Variants in MSH4 observed in about 807,000 individuals in gnomAD.
MSH4 encodes the protein mutS protein homolog 4.
Under a neutral mutation model 113.7 loss-of-function variants are expected in MSH4, and 106 were observed. The ratio of observed to expected loss-of-function variants is 0.93; its 90% CI spans 0.80 to 1.10. The LOEUF is 1.10. MSH4 is among the 50% of genes least tolerant of loss of function. The probability of loss-of-function intolerance (pLI) is 0.00; values close to 1 mark genes in which losing one functional copy is unlikely to be tolerated. For synonymous variants in MSH4, 368 were observed against 380.2 expected (o/e 0.97, Z 0.37); for missense variants, 1,061 against 1,093.7 (o/e 0.97, Z 0.42).
intron 17 of MSH4, among the ~76,000 whole-genome samples, chr1:75,897,238 C>T (rs949934901): frequency 6.6e-6 from 1 of 152,036 alleles, no homozygotes; most frequent in African/African-American, 2.4e-5. Flanking sequence ...TTTCCTGGGG[C>T]GCCACATTAG....
intron 7 of MSH4, among the ~76,000 whole-genome samples, chr1:75,829,452 T>C (rs10873729): frequency 0.46 from 70,231 of 151,958 alleles, 17,257 homozygotes; most frequent in East Asian, 0.95. Flanking sequence ...TCTCCCAGCA[T>C]GGAGTTTGAG....
At chr1:75,800,308 C>A (rs1393364323) in intron 1 of MSH4, among the ~76,000 whole-genome samples, 6 of 152,120 alleles carry the variant, frequency 3.9e-5, no homozygotes, top group Admixed American at 3.9e-4. Flanking sequence ...ATCAAATTAT[C>A]CCAGTTTGAG....
At chr1:75,885,341 G>GTGTGTA (rs1491097493) in intron 15 of MSH4, among the ~76,000 whole-genome samples, 39 of 102,568 alleles carry the variant, frequency 3.8e-4, no homozygotes, top group Admixed American at 2.2e-3. Context: ...GTGTGTGTGT[G>GTGTGTA]TATATATATA....
In MSH4 at chr1:75,803,820, A is replaced by G; in HGVS notation, c.334A>G (p.Thr112Ala). 6.2e-7 allele frequency: 1 copy of G among 1,606,404 alleles called. No homozygotes were observed. The highest frequency in any genetic ancestry group is 1.3e-5 in the African/African-American group (1 of 74,644). The change falls in exon 2 of 20, where the codon ACT (threonine) becomes GCT (alanine). Residue 112 changes from threonine (T) to alanine (A), a missense_variant. By Grantham distance (58) the Thr-to-Ala change is moderately conservative. Coordinates refer to ENST00000263187, the MANE Select transcript of MSH4 (RefSeq NM_002440.4). ...FGASSSSARD[T>A]NYPQTLKTPL... Reference sequence around the variant, plus strand: ...TGCAAGCTCATCTTCTGCACGAGATACTAATTATCCTCAAACACTTAAAAC... The same window carrying G: ...TGCAAGCTCATCTTCTGCACGAGATGCTAATTATCCTCAAACACTTAAAAC...
intron 19 of MSH4, among the ~76,000 whole-genome samples, chr1:75,904,484 C>T (rs1252502839): frequency 1.3e-5 from 2 of 151,672 alleles, no homozygotes; most frequent in African/African-American, 2.4e-5. Flanking sequence ...GCAGTGAAGT[C>T]ATCAGGTACT....
rs1245352390 is a variant in MSH4, at chr1:75,886,582, AATAT to A, written c.2108-2665_2108-2662del. 5.1e-4 allele frequency among the ~76,000 whole-genome samples: 64 copies of A among 124,946 alleles called. 3 individuals carry two copies. The highest frequency in any genetic ancestry group is 5.3e-4 in the Non-Finnish European group (34 of 64,162). The allele number at this position is 124,946 out of a possible 152,430, so 82.0% of individuals were successfully genotyped here. ...GTATTATATGCAAGTTATTATGTAT[AATAT>A]ATAATGTATTATATATTATATAATG... is the stretch of plus-strand genomic sequence containing the variant. On this transcript the variant is annotated intron_variant, in intron 15 of 19. Coordinates refer to ENST00000263187, the MANE Select transcript of MSH4 (RefSeq NM_002440.4).
chr1:75,854,007 G>GTA (rs150197709), intron 8 of MSH4, among the ~76,000 whole-genome samples: 12,875 of 50,302 alleles, frequency 0.26, 934 homozygotes, highest in East Asian at 0.55. Context: ...GCATAAGTGT[G>GTA]TGTGTGTATA....
intron 7 of MSH4, among the ~76,000 whole-genome samples, chr1:75,830,810 AACC>A (rs1312530776): frequency 2.0e-5 from 3 of 152,192 alleles, no homozygotes; most frequent in Admixed American, 6.5e-5. Flanking sequence ...GGAAAGGAAC[AACC>A]AGTACCAGCC....
At chr1:75,804,492 G>A (rs1201465912) in intron 2 of MSH4, among the ~76,000 whole-genome samples, 1 of 145,090 alleles carries the variant, frequency 6.9e-6, no homozygotes. Flanking sequence ...AGTAGAATAT[G>A]ACCTTCCTTT....
Position 75,867,504 on chromosome 1 carries a change from A to G in MSH4, c.1231-10A>G. ...GGTGTCCATCCAAATTTGGGTTTTT[A>G]TCTTAACAGGTCAATGCTGCTGAAT... On this transcript the variant is annotated splice_polypyrimidine_tract_variant and intron_variant, in intron 8 of 19. Transcript: ENST00000263187. 1.9e-6 allele frequency: 3 copies of G among 1,560,052 alleles called. No individual in the cohort carries two copies. Among genetic ancestry groups the G allele is most frequent in the Non-Finnish European group, 2.6e-6 (3 of 1,144,460 alleles).
chr1:75,859,377 C>G (rs1651400837), intron 8 of MSH4, among the ~76,000 whole-genome samples: 1 of 152,128 alleles, frequency 6.6e-6, no homozygotes, highest in Non-Finnish European at 1.5e-5. Context: ...TAGATCTTCC[C>G]TGCTTTCTCC....
intron 2 of MSH4, among the ~76,000 whole-genome samples, chr1:75,806,393 A>G (rs1312800356): frequency 1.3e-5 from 2 of 151,512 alleles, no homozygotes; most frequent in South Asian, 2.1e-4. Flanking sequence ...GACCACAGGC[A>G]CCTGCCACCA....
chr1:75,852,469 A>G (rs1651210269), intron 8 of MSH4, among the ~76,000 whole-genome samples: 1 of 152,168 alleles, frequency 6.6e-6, no homozygotes, highest in African/African-American at 2.4e-5. Context: ...TGTTTTGCAA[A>G]GTGACTTTAT....
At chr1:75,829,675 G>C (rs370435800) in intron 7 of MSH4, among the ~76,000 whole-genome samples, 7 of 152,258 alleles carry the variant, frequency 4.6e-5, no homozygotes, top group East Asian at 3.9e-4. Context: ...AGGCAAACAG[G>C]GTCTGGATAG....
Position 75,912,831 on chromosome 1 carries a change from A to G in MSH4, c.2755A>G (p.Lys919Glu). ...AATATATTTAAGTAACCTCAAGAAG[A>G]AGTACAAAGAAGATTTTCCCAGGAC... ...LRIYLSNLKK[K>E]YKEDFPRTEQ... Residue 919 changes from lysine to glutamate, a missense_variant, in exon 20 of 20, where the codon AAG (lysine) becomes GAG (glutamate). Physicochemically the swap from Lys to Glu is moderately conservative, Grantham distance 56. Coordinates refer to ENST00000263187, the MANE Select transcript of MSH4 (RefSeq NM_002440.4). The G allele has an allele frequency of 6.3e-7, 1 of 1,582,076 alleles. No individual in the cohort carries two copies. The highest frequency in any genetic ancestry group is 8.6e-7 in the Non-Finnish European group (1 of 1,165,410).
intron 7 of MSH4, among the ~76,000 whole-genome samples, chr1:75,826,342 G>T (rs1226730951): frequency 6.6e-6 from 1 of 152,042 alleles, no homozygotes; most frequent in Non-Finnish European, 1.5e-5. Context: ...GTGTCTATTT[G>T]ATTCTTCTCC....
chr1:75,814,918 TA>T, intron 4 of MSH4, 102 bp from the exon 5 acceptor site: 1 of 645,808 alleles, frequency 1.5e-6, no homozygotes, highest in East Asian at 3.0e-5. Context: ...TTGAAATTTT[TA>T]TACAATATTT....
At chr1:75,904,557 A>G (rs958881816) in intron 19 of MSH4, among the ~76,000 whole-genome samples, 2 of 147,904 alleles carry the variant, frequency 1.4e-5, no homozygotes, top group African/African-American at 2.5e-5. Context: ...TGTTGCCTGG[A>G]CTGGAGTGTG....
At chr1:75,829,690 T>C (rs1650639399) in intron 7 of MSH4, among the ~76,000 whole-genome samples, 1 of 152,268 alleles carries the variant, frequency 6.6e-6, no homozygotes, top group African/African-American at 2.4e-5. Flanking sequence ...GGATAGGACC[T>C]CCAGCAAACA....
Sources: allele counts gnomAD v4.1 joint callset (sites outside exome capture counted in the v4.1 genomes callset), GRCh38; gene constraint gnomAD v4.1.1; transcripts MANE v1.5; gene names NCBI Gene and HGNC (gene_info 2026-07-23, HGNC 2026-07-21).